The following LAPTM4B variants were observed in gnomAD, a reference collection of about 807,000 sequenced individuals.
LAPTM4B encodes the protein lysosomal protein transmembrane 4 beta.
Under a neutral mutation model 28.5 loss-of-function variants are expected in LAPTM4B, and 26 were observed. That is an observed-to-expected ratio of 0.91 (90% CI 0.67 to 1.27). The LOEUF is 1.27. LAPTM4B is among the 50% of genes most tolerant of loss of function. The pLI, the probability that LAPTM4B is intolerant of heterozygous loss-of-function variation, is 0.00. For synonymous variants in LAPTM4B, 109 were observed against 106.4 expected, an observed-to-expected ratio of 1.02 and a Z score of -0.15; for missense variants, 288 against 285.8, an observed-to-expected ratio of 1.01 and a Z score of -0.06.
intron 6 of LAPTM4B, among the ~76,000 whole-genome samples, chr8:97,829,611 C>A (rs764435666): frequency 6.6e-6 from 1 of 151,910 alleles, no homozygotes; most frequent in African/African-American, 2.4e-5. Flanking sequence ...GGGAGATAGA[C>A]CTCGTAGGTA....
At position 97,837,547 on chromosome 8, in the gene LAPTM4B, T is replaced by G. The variant is rs138738700; in HGVS notation, c.603+12394T>G. On this transcript the variant is annotated intron_variant, in intron 6 of 6. Coordinates refer to ENST00000521545, the MANE Select transcript of LAPTM4B (RefSeq NM_018407.6). ...GTTCTTGACTGCATAATGAGTTCTG[T>G]TTTTTTTTTCCCTTCATAAAAGTCA... Among the ~76,000 whole-genome samples, 639 of 148,900 alleles carry G rather than the reference T, an allele frequency of 4.3e-3. 3 individuals carry two copies. The highest frequency in any genetic ancestry group is 0.014 in the African/African-American group (585 of 40,644).
chr8:97,780,270 A>AC lies in LAPTM4B; in HGVS notation c.99+4162_99+4163insC, dbSNP rs1397444696. 1.6e-4 allele frequency among the ~76,000 whole-genome samples: 25 copies of AC among 151,908 alleles called. No homozygotes were observed. The East Asian group carries it at 4.5e-3, about 27-fold the overall frequency. ...ATGAAACCCTGTTTCTATTAAAAAT[A>AC]TAAAAAATTAGTGGGGCGTGGTGGC... On this transcript the variant is annotated intron_variant, in intron 1 of 6. Coordinates refer to ENST00000521545, the MANE Select transcript of LAPTM4B (RefSeq NM_018407.6).
chr8:97,805,808 A>T (rs1243726105), intron 2 of LAPTM4B, among the ~76,000 whole-genome samples: 2 of 152,106 alleles, frequency 1.3e-5, no homozygotes, highest in Non-Finnish European at 2.9e-5. Context: ...ATTATGTTTC[A>T]GTATTTATTT....
chr8:97,789,030 T>C (rs1399129122), intron 1 of LAPTM4B, among the ~76,000 whole-genome samples: 1 of 147,616 alleles, frequency 6.8e-6, no homozygotes, highest in Non-Finnish European at 1.5e-5. Flanking sequence ...CTTCATTTGG[T>C]GCTCACTCTT....
At chr8:97,850,474 G>GTGTGTGTGTGTA (rs1554594403) in intron 6 of LAPTM4B, among the ~76,000 whole-genome samples, 36 of 146,266 alleles carry the variant, frequency 2.5e-4, no homozygotes, top group Admixed American at 1.1e-3. Context: ...GGGTGTGTGT[G>GTGTGTGTGTGTA]TGTGTGTGTG....
chr8:97,801,862 G>T (rs1386024470), intron 1 of LAPTM4B, among the ~76,000 whole-genome samples: 1 of 118,896 alleles, frequency 8.4e-6, no homozygotes, highest in African/African-American at 3.1e-5. Context: ...AAAAAAAAAA[G>T]TATAGAGGGA....
chr8:97,794,178 C>T (rs868795016), intron 1 of LAPTM4B, among the ~76,000 whole-genome samples: 2 of 152,130 alleles, frequency 1.3e-5, no homozygotes, highest in Admixed American at 6.6e-5. Flanking sequence ...TGAGGTTTCA[C>T]CATGTTAGCC....
intron 6 of LAPTM4B, among the ~76,000 whole-genome samples, chr8:97,833,165 T>G (rs1393281489): frequency 1.3e-5 from 2 of 151,884 alleles, no homozygotes; most frequent in Non-Finnish European, 2.9e-5. Context: ...GAAAACCCGT[T>G]ACTCCTAAAA....
In LAPTM4B at chr8:97,819,672, G is replaced by A. The variant is rs533961805; in HGVS notation, c.507+434G>A. On this transcript the variant is annotated intron_variant, in intron 5 of 6. Coordinates refer to ENST00000521545, the MANE Select transcript of LAPTM4B (RefSeq NM_018407.6). ...TACTTTTTCACTTAATAGGGCTGTA[G>A]TGAATATATTTAAGTACATCCTTAT... 6.7e-5 allele frequency among the ~76,000 whole-genome samples: 10 copies of A among 150,010 alleles called. No individual in the cohort carries two copies. The East Asian group carries it at 1.4e-3, about 21-fold the overall frequency.
chr8:97,815,865 G>A (rs1452846136), intron 3 of LAPTM4B, among the ~76,000 whole-genome samples, 193 bp from the exon 4 acceptor site: 2 of 152,148 alleles, frequency 1.3e-5, no homozygotes, highest in African/African-American at 4.8e-5. Context: ...ACCACACACA[G>A]CCAGTCCTGG....
At chr8:97,836,170 C>G (rs1465571934) in intron 6 of LAPTM4B, among the ~76,000 whole-genome samples, 1 of 152,058 alleles carries the variant, frequency 6.6e-6, no homozygotes, top group African/African-American at 2.4e-5. Context: ...TCACATTAAG[C>G]TTTATTCAAA....
intron 1 of LAPTM4B, among the ~76,000 whole-genome samples, chr8:97,803,116 T>G (rs1375343602): frequency 6.6e-6 from 1 of 151,586 alleles, no homozygotes; most frequent in Non-Finnish European, 1.5e-5. Flanking sequence ...GGAGAATCGC[T>G]TGAACCTGGC....
chr8:97,816,264 G>T, intron 4 of LAPTM4B, 84 bp downstream of exon 4: 5 of 1,264,330 alleles, frequency 4.0e-6, no homozygotes, highest in South Asian at 1.6e-5. Flanking sequence ...GAGATACACA[G>T]ACATTAATTT....
intron 1 of LAPTM4B, among the ~76,000 whole-genome samples, chr8:97,782,091 C>T (rs183673210): frequency 2.1e-3 from 316 of 151,664 alleles, no homozygotes; most frequent in African/African-American, 7.3e-3. Flanking sequence ...AGCAATTCTC[C>T]TGCCTCAGCC....
chr8:97,835,657 G>A (rs918181891), intron 6 of LAPTM4B, among the ~76,000 whole-genome samples: 2 of 152,178 alleles, frequency 1.3e-5, no homozygotes, highest in African/African-American at 2.4e-5. Context: ...AATATAACAA[G>A]GTGTCCTTTT....
intron 6 of LAPTM4B, among the ~76,000 whole-genome samples, chr8:97,839,454 A>G (rs891196655): frequency 2.0e-5 from 3 of 152,168 alleles, no homozygotes; most frequent in Non-Finnish European, 4.4e-5. Context: ...CGGCCTCCCA[A>G]AGTGCTGGGA....
intron 6 of LAPTM4B, among the ~76,000 whole-genome samples, chr8:97,834,631 G>A (rs746417568): frequency 6.6e-6 from 1 of 152,034 alleles, no homozygotes; most frequent in Non-Finnish European, 1.5e-5. Context: ...GTGCAGTGGT[G>A]TGATCATGCA....
chr8:97,777,942 G>C (rs777153641), intron 1 of LAPTM4B, among the ~76,000 whole-genome samples: 4 of 152,226 alleles, frequency 2.6e-5, no homozygotes, highest in African/African-American at 7.2e-5. Context: ...ATCAGAGAAC[G>C]TAATTTGTAA....
intron 1 of LAPTM4B, among the ~76,000 whole-genome samples, chr8:97,790,492 A>G (rs1285606015): frequency 2.6e-5 from 4 of 151,342 alleles, no homozygotes; most frequent in Admixed American, 6.6e-5. Context: ...TTGTATTTTT[A>G]GTAGAGATGG....
Sources: gnomAD v4.1 joint callset for allele counts (sites outside exome capture counted in the v4.1 genomes callset) on GRCh38, gnomAD v4.1.1 for gene constraint, MANE v1.5 for transcripts, NCBI Gene and HGNC (gene_info 2026-07-23, HGNC 2026-07-21) for gene names.